The following CSGALNACT1 variants were observed in gnomAD, a reference collection of about 807,000 sequenced individuals.
CSGALNACT1 encodes chondroitin sulfate N-acetylgalactosaminyltransferase 1.
CSGALNACT1 carries 52 observed loss-of-function variants against 51.0 expected under a neutral mutation model. The observed-to-expected ratio is 1.02, with a 90% CI of 0.82 to 1.29. The LOEUF (loss-of-function observed/expected upper bound fraction) is 1.29. Among genes scored for constraint, CSGALNACT1 ranks in the 50% most tolerant of loss-of-function variants. The probability of loss-of-function intolerance (pLI) is 0.00; values close to 1 mark genes in which losing one functional copy is unlikely to be tolerated. For missense variants in CSGALNACT1, 935 were observed against 679.2 expected (o/e 1.38, Z -4.19); for synonymous variants, 341 against 254.4 (o/e 1.34, Z -3.24).
chr8:19,409,376 G>T (rs1371670575), intron 8 of CSGALNACT1, among the ~76,000 whole-genome samples: 2 of 152,190 alleles, frequency 1.3e-5, no homozygotes, highest in Non-Finnish European at 2.9e-5. Flanking sequence ...CGTGGTGCCA[G>T]CCTGCAGGGC....
intron 1 of CSGALNACT1, among the ~76,000 whole-genome samples, chr8:19,649,440 C>G (rs1014272296): frequency 1.3e-5 from 2 of 152,058 alleles, no homozygotes; most frequent in African/African-American, 4.8e-5. Flanking sequence ...TGTTTTTTTA[C>G]TCTGCCTTCT....
At chr8:19,503,383 G>C (rs956363141) in intron 4 of CSGALNACT1, among the ~76,000 whole-genome samples, 7 of 152,174 alleles carry the variant, frequency 4.6e-5, no homozygotes, top group Non-Finnish European at 1.0e-4. Flanking sequence ...GATTGAGAAA[G>C]ATAGGCCTTA....
At chr8:19,652,184 C>G (rs2057873896) in intron 1 of CSGALNACT1, among the ~76,000 whole-genome samples, 1 of 152,092 alleles carries the variant, frequency 6.6e-6, no homozygotes, top group Non-Finnish European at 1.5e-5. Flanking sequence ...CTTTAGGGCT[C>G]AAGCAATCCA....
chr8:19,562,605 A>T (rs1482306767), intron 3 of CSGALNACT1, among the ~76,000 whole-genome samples: 1 of 152,222 alleles, frequency 6.6e-6, no homozygotes, highest in Non-Finnish European at 1.5e-5. Flanking sequence ...TACAACAAAA[A>T]AATAAACAAC....
chr8:19,512,040 A>C (rs1340951880), intron 3 of CSGALNACT1, among the ~76,000 whole-genome samples: 1 of 152,236 alleles, frequency 6.6e-6, no homozygotes, highest in Non-Finnish European at 1.5e-5. Flanking sequence ...ACAATTCAAA[A>C]TGAGATTTGG....
chr8:19,581,090 T>G (rs2045463595), intron 3 of CSGALNACT1, among the ~76,000 whole-genome samples: 1 of 152,156 alleles, frequency 6.6e-6, no homozygotes, highest in South Asian at 2.1e-4. Context: ...GCTACACAGA[T>G]AGCTACAAGG....
intron 3 of CSGALNACT1, among the ~76,000 whole-genome samples, chr8:19,542,379 C>G (rs1277788220): frequency 6.6e-6 from 1 of 152,180 alleles, no homozygotes; most frequent in Admixed American, 6.5e-5. Flanking sequence ...TCACAGAAGA[C>G]TGGAACAGTA....
At chr8:19,676,856 GAAGA>G (rs1471836239) in intron 1 of CSGALNACT1, among the ~76,000 whole-genome samples, 1 of 152,150 alleles carries the variant, frequency 6.6e-6, no homozygotes, top group Non-Finnish European at 1.5e-5. Context: ...AGAAAATCAA[GAAGA>G]AAGGAGTGAA....
chr8:19,673,299 C>T (rs2059931487), intron 1 of CSGALNACT1, among the ~76,000 whole-genome samples: 1 of 152,186 alleles, frequency 6.6e-6, no homozygotes, highest in Middle Eastern at 3.2e-3. Flanking sequence ...ACTAACCTGG[C>T]TGTGTTTCAA....
intron 5 of CSGALNACT1, among the ~76,000 whole-genome samples, chr8:19,448,724 A>G (rs778103320): frequency 2.6e-5 from 4 of 152,310 alleles, no homozygotes; most frequent in Non-Finnish European, 5.9e-5. Flanking sequence ...ACACAGATGC[A>G]AGGAAATCAC....
chr8:19,405,630 C>T (rs1358882919), exon 10 of CSGALNACT1: 3 of 1,041,290 alleles, frequency 2.9e-6, no homozygotes, highest in Non-Finnish European at 4.3e-6. Flanking sequence ...TGTAAAAAGC[C>T]CAACAGAGAG....
chr8:19,579,438 A>G (rs910948342), intron 3 of CSGALNACT1, among the ~76,000 whole-genome samples: 27 of 152,212 alleles, frequency 1.8e-4, no homozygotes, highest in Non-Finnish European at 3.7e-4. Context: ...CACATTCTCT[A>G]AAACCTTTCC....
At chr8:19,631,328 T>A (rs1589150360) in intron 1 of CSGALNACT1, among the ~76,000 whole-genome samples, 2 of 152,218 alleles carry the variant, frequency 1.3e-5, no homozygotes, top group Admixed American at 6.5e-5. Flanking sequence ...CAGCAATGAA[T>A]GGAGTTTCTG....
intron 9 of CSGALNACT1, among the ~76,000 whole-genome samples, chr8:19,408,224 A>G (rs1170637485): frequency 7.9e-5 from 12 of 152,092 alleles, no homozygotes; most frequent in Admixed American, 3.9e-4. Flanking sequence ...GGAATGACTG[A>G]GAGGTGCTGG....
intron 3 of CSGALNACT1, among the ~76,000 whole-genome samples, chr8:19,524,665 C>T (rs2958581): frequency 6.6e-6 from 1 of 152,054 alleles, no homozygotes; most frequent in African/African-American, 2.4e-5. Context: ...TCTAAGGAGG[C>T]TTCAGCTTTT....
chr8:19,634,039 C>A (rs542951520), intron 1 of CSGALNACT1, among the ~76,000 whole-genome samples: 2 of 152,300 alleles, frequency 1.3e-5, no homozygotes, highest in South Asian at 2.1e-4. Context: ...ACCCATAAAG[C>A]CCCTCCTGGG....
chr8:19,543,742 G>A (rs2085801458), intron 3 of CSGALNACT1, among the ~76,000 whole-genome samples: 1 of 152,092 alleles, frequency 6.6e-6, no homozygotes, highest in African/African-American at 2.4e-5. Flanking sequence ...TTTTTCCCTT[G>A]GTGACACTGT....
At chr8:19,484,542 C>T (rs116855021) in intron 4 of CSGALNACT1, among the ~76,000 whole-genome samples, 2,019 of 152,284 alleles carry the variant, frequency 0.013, 11 homozygotes, top group Non-Finnish European at 0.02. Context: ...TCTTACATGA[C>T]AGCAGGTAAG....
At chr8:19,636,030 T>C (rs1211093065) in intron 1 of CSGALNACT1, among the ~76,000 whole-genome samples, 1 of 152,208 alleles carries the variant, frequency 6.6e-6, no homozygotes, top group African/African-American at 2.4e-5. Context: ...TCATTCATTT[T>C]TCAAAGGCTT....
Sources: gnomAD v4.1 joint callset for allele counts (sites outside exome capture counted in the v4.1 genomes callset) on GRCh38, gnomAD v4.1.1 for gene constraint, MANE v1.5 for transcripts, NCBI Gene and HGNC (gene_info 2026-07-23, HGNC 2026-07-21) for gene names.